The following PTK2 variants were observed in gnomAD, a reference collection of about 807,000 sequenced individuals.
PTK2 encodes the protein protein tyrosine kinase 2, also known as focal adhesion kinase 1.
Under a neutral mutation model 150.1 loss-of-function variants are expected in PTK2, and 45 were observed. The ratio of observed to expected loss-of-function variants is 0.30; its 90% confidence interval spans 0.24 to 0.38. PTK2 has a LOEUF of 0.38. Ranked by LOEUF, PTK2 falls within the 10% of genes least tolerant of loss-of-function variation. The pLI, the probability that PTK2 is intolerant of heterozygous loss-of-function variation, is 1.00. For synonymous variants in PTK2, 432 were observed against 449.2 expected, an observed-to-expected ratio of 0.96 and a Z score of 0.48; for missense variants, 919 against 1,307.3, an observed-to-expected ratio of 0.70 and a Z score of 4.58.
intron 4 of PTK2, among the ~76,000 whole-genome samples, chr8:140,867,440 A>G (rs553666798): frequency 2.4e-4 from 36 of 152,316 alleles, no homozygotes; most frequent in Middle Eastern, 3.4e-3. Flanking sequence ...ATGAATATTT[A>G]AAGGCACAAT....
chr8:140,991,346 C>T (rs2100195627), intron 1 of PTK2, among the ~76,000 whole-genome samples: 1 of 152,298 alleles, frequency 6.6e-6, no homozygotes, highest in Non-Finnish European at 1.5e-5. Flanking sequence ...TGTACACACA[C>T]TCTCCTGATA....
At chr8:140,999,692 G>T (rs2100199229) in intron 1 of PTK2, among the ~76,000 whole-genome samples, 1 of 152,134 alleles carries the variant, frequency 6.6e-6, no homozygotes, top group African/African-American at 2.4e-5. Context: ...TTCAAATATG[G>T]GACGGAGTGC....
At chr8:140,992,293 GA>G (rs397949814) in intron 1 of PTK2, among the ~76,000 whole-genome samples, 2,515 of 120,566 alleles carry the variant, frequency 0.021, 68 homozygotes, top group African/African-American at 0.069. Context: ...CTTCATCTCG[GA>G]AAAAAAAAAA....
chr8:140,659,388 G>C, exon 32 of PTK2: 1 of 1,329,692 alleles, frequency 7.5e-7, no homozygotes, highest in South Asian at 1.3e-5. Context: ...TGAGGACACA[G>C]GGTTAATTCC....
intron 1 of PTK2, among the ~76,000 whole-genome samples, chr8:140,999,697 G>A (rs2100199230): frequency 6.6e-6 from 1 of 152,182 alleles, no homozygotes; most frequent in Admixed American, 6.5e-5. Flanking sequence ...ATATGGGACG[G>A]AGTGCTCAAC....
intron 1 of PTK2, among the ~76,000 whole-genome samples, chr8:140,936,571 A>T (rs912136310): frequency 6.6e-6 from 1 of 152,162 alleles, no homozygotes; most frequent in Non-Finnish European, 1.5e-5. Context: ...TGCCCTAAAA[A>T]AAAAAAAGAT....
chr8:140,980,933 T>G (rs1445019798), intron 1 of PTK2, among the ~76,000 whole-genome samples: 9 of 148,832 alleles, frequency 6.0e-5, no homozygotes, highest in Non-Finnish European at 1.3e-4. Flanking sequence ...TTTTTTTTTT[T>G]GTATCTTTAG....
In PTK2 at chr8:140,848,382, G is replaced by A. The variant is rs75646103; in HGVS notation, c.451-1704C>T. On this transcript the variant is annotated intron_variant, in intron 5 of 31. Coordinates refer to ENST00000522684, the Ensembl canonical transcript of PTK2. Reference sequence around the variant, plus strand: ...GCTATTACTGATCTAAGGACTATTCGTCTCAAAACCTTTCTTTATTTTCTG... The same window carrying A: ...GCTATTACTGATCTAAGGACTATTCATCTCAAAACCTTTCTTTATTTTCTG... Among the ~76,000 whole-genome samples, 974 of 152,286 alleles carry A rather than the reference G, an allele frequency of 6.4e-3. 17 individuals carry two copies. The highest frequency in any genetic ancestry group is 0.02 in the African/African-American group (827 of 41,552).
chr8:140,708,299 C>T (rs926021052), intron 23 of PTK2, among the ~76,000 whole-genome samples: 1 of 152,058 alleles, frequency 6.6e-6, no homozygotes, highest in Non-Finnish European at 1.5e-5. Flanking sequence ...TGTCTCATTT[C>T]CCCCTCAGTT....
chr8:140,998,809 A>G (rs1398265891), intron 1 of PTK2, among the ~76,000 whole-genome samples: 1 of 136,332 alleles, frequency 7.3e-6, no homozygotes, highest in African/African-American at 2.9e-5. Context: ...ACAGGGTGAG[A>G]CTCCGTCTCA....
intron 16 of PTK2, among the ~76,000 whole-genome samples, chr8:140,754,899 T>C (rs1309106031): frequency 1.3e-5 from 2 of 152,200 alleles, no homozygotes; most frequent in African/African-American, 4.8e-5. Context: ...GCAAAGGGTT[T>C]TTTCTAAAAA....
At position 140,752,147 on chromosome 8, in the gene PTK2, C is replaced by T. The variant is rs141777022; in HGVS notation, c.1417+85G>A. 1,177 of 1,173,198 alleles carry T rather than the reference C, an allele frequency of 1.0e-3. 6 individuals carry two copies. The African/African-American group carries it at 0.016, about 16-fold the overall frequency. 72.7% of individuals were successfully genotyped at this position (1,173,198 alleles called of 1,614,324 possible). ...TAGTTGTCTCCTAAAAGTCAAAACA[C>T]TATTTTTCTTATTTCTTCAGAGACA... On this transcript the variant is annotated intron_variant, in intron 17 of 31. Transcript: ENST00000522684.
intron 16 of PTK2, among the ~76,000 whole-genome samples, chr8:140,754,255 T>A (rs560388847): frequency 6.6e-6 from 1 of 152,340 alleles, no homozygotes; most frequent in Non-Finnish European, 1.5e-5. Flanking sequence ...TCACACAGAA[T>A]GTGAACAAGA....
chr8:140,912,615 G>GA (rs912150583), intron 2 of PTK2, among the ~76,000 whole-genome samples: 17 of 151,486 alleles, frequency 1.1e-4, no homozygotes, highest in South Asian at 4.2e-4. Context: ...ATAAAAAAAA[G>GA]AAAAAAAACC....
intron 22 of PTK2, among the ~76,000 whole-genome samples, chr8:140,733,312 T>G (rs146830661): frequency 3.3e-5 from 5 of 152,062 alleles, no homozygotes; most frequent in African/African-American, 1.2e-4. Context: ...AAATGTAGGT[T>G]TGGGACTTGA....
At chr8:140,928,166 T>A (rs1391269674) in intron 1 of PTK2, among the ~76,000 whole-genome samples, 2 of 151,838 alleles carry the variant, frequency 1.3e-5, no homozygotes, top group African/African-American at 4.8e-5. Context: ...CATGCTGGCA[T>A]GAATGGTTGT....
chr8:140,678,499 G>A, intron 27 of PTK2, among the ~76,000 whole-genome samples: 1 of 152,030 alleles, frequency 6.6e-6, no homozygotes, highest in Non-Finnish European at 1.5e-5. Flanking sequence ...GACCACAGGT[G>A]CATGCCATCA....
intron 2 of PTK2, among the ~76,000 whole-genome samples, chr8:140,913,964 C>A (rs2100164202): frequency 6.6e-6 from 1 of 152,036 alleles, no homozygotes; most frequent in Non-Finnish European, 1.5e-5. Context: ...ACCAAATGAA[C>A]CAAAGATTTC....
chr8:140,707,275 C>T lies in PTK2; in HGVS notation c.2143-1070G>A, dbSNP rs545800925. ...GTTATAGGCTGGGCGCTATGGCTCA[C>T]GCCTATAATCCCAGCACTTTGGGAG... is the stretch of plus-strand genomic sequence containing the variant. On this transcript the variant is annotated intron_variant, in intron 23 of 31. Transcript: ENST00000522684. 1.4e-4 allele frequency among the ~76,000 whole-genome samples: 22 copies of T among 152,176 alleles called. 1 individual carries two copies. The South Asian group carries it at 3.9e-3, about 27-fold the overall frequency.
Sources: gnomAD v4.1 joint callset for allele counts (sites outside exome capture counted in the v4.1 genomes callset) on GRCh38, gnomAD v4.1.1 for gene constraint, MANE v1.5 for transcripts, NCBI Gene and HGNC (gene_info 2026-07-23, HGNC 2026-07-21) for gene names.